The following PTPRO variants were observed in gnomAD, a reference collection of about 807,000 sequenced individuals.
PTPRO encodes receptor-type tyrosine-protein phosphatase O.
A neutral mutation model predicts 145.2 loss-of-function variants in PTPRO; 62 were observed. The observed-to-expected ratio is 0.43, with a 90% CI of 0.35 to 0.53. PTPRO has a LOEUF of 0.53. PTPRO is among the 20% of genes least tolerant of loss of function. The pLI is 0.01. For synonymous variants in PTPRO, 565 were observed against 514.7 expected, an observed-to-expected ratio of 1.10 and a Z score of -1.32; for missense variants, 1,345 against 1,482.7, an observed-to-expected ratio of 0.91 and a Z score of 1.53.
At chr12:15,430,968 T>C (rs1383274068) in intron 1 of PTPRO, among the ~76,000 whole-genome samples, 1 of 152,208 alleles carries the variant, frequency 6.6e-6, no homozygotes, top group African/African-American at 2.4e-5. Context: ...ATAGAATATA[T>C]GGAAATAGTA....
chr12:15,322,990 T>C lies in PTPRO; in HGVS notation c.75+189T>C, dbSNP rs936262416. 7.2e-5 allele frequency among the ~76,000 whole-genome samples: 11 copies of C among 152,062 alleles called. No individual in the cohort carries two copies. Among genetic ancestry groups the C allele is most frequent in the Non-Finnish European group, 1.3e-4 (9 of 67,978 alleles). On this transcript the variant is annotated intron_variant, in intron 1 of 26. Coordinates refer to ENST00000281171, the MANE Select transcript of PTPRO (RefSeq NM_030667.3). This position sits in a 1 kb window ranked among gnomAD's most constrained non-coding sequence, Gnocchi z 6.3. Reference sequence around the variant, plus strand: ...GCGTGTTCCTGGTGGTCTTGAGAGGTAGGGGGCGGGGGGAAGAATAAGGGA... The same window carrying C: ...GCGTGTTCCTGGTGGTCTTGAGAGGCAGGGGGCGGGGGGAAGAATAAGGGA...
chr12:15,538,372 G>T (rs1010310132), intron 12 of PTPRO, among the ~76,000 whole-genome samples: 11 of 151,834 alleles, frequency 7.2e-5, no homozygotes, highest in African/African-American at 2.7e-4. Flanking sequence ...TTACAGGTGC[G>T]CACCACCACG....
chr12:15,581,006 G>C (rs1484673748), intron 22 of PTPRO, among the ~76,000 whole-genome samples, 175 bp downstream of exon 22: 1 of 152,216 alleles, frequency 6.6e-6, no homozygotes, highest in Non-Finnish European at 1.5e-5. Context: ...CACAGACCCG[G>C]TGGTCTTTGC....
At chr12:15,387,742 G>A (rs896989448) in intron 1 of PTPRO, among the ~76,000 whole-genome samples, 7 of 152,160 alleles carry the variant, frequency 4.6e-5, no homozygotes. Flanking sequence ...ATGAGTGCAA[G>A]TTATTTAAAT....
In PTPRO at chr12:15,322,827, TC is replaced by T; in HGVS notation, c.75+29del. The T allele has an allele frequency of 6.2e-7, 1 of 1,604,290 alleles. No individual in the cohort carries two copies. The highest frequency in any genetic ancestry group is 1.3e-5 in the African/African-American group (1 of 74,292). On this transcript the variant is annotated intron_variant, in intron 1 of 26. Coordinates refer to ENST00000281171, the MANE Select transcript of PTPRO (RefSeq NM_030667.3). This position sits in a 1 kb window ranked among gnomAD's most constrained non-coding sequence, Gnocchi z 6.3. ...GTAGGGGAGCTCCTCCACCCCTTTT[TC>T]CCAGCGGTCCGGGCGGCAGCCGCGC... is the stretch of plus-strand genomic sequence containing the variant.
rs1285071987 is a variant in PTPRO at position 15,546,603 on chromosome 12, C to A, written c.2199C>A (p.Asn733Lys). ...CACCCAAATCACTCTTCGCAGTGAACAAAACCCAGACTTCAGTGACTTTGC... is the reference window on the plus strand; with the variant it reads ...CACCCAAATCACTCTTCGCAGTGAAAAAAACCCAGACTTCAGTGACTTTGC... ...PAPPKSLFAV[N>K]KTQTSVTLLW... Residue 733 changes from asparagine to lysine, a missense_variant, in exon 13 of 27, where the codon AAC (asparagine) becomes AAA (lysine). Coordinates refer to ENST00000281171, the MANE Select transcript of PTPRO (RefSeq NM_030667.3). 6.2e-7 allele frequency: 1 copy of A among 1,612,642 alleles called. No individual in the cohort carries two copies. Among genetic ancestry groups the A allele is most frequent in the Non-Finnish European group, 8.5e-7 (1 of 1,179,244 alleles).
chr12:15,420,871 G>C (rs1306916521), intron 1 of PTPRO, among the ~76,000 whole-genome samples: 1 of 152,160 alleles, frequency 6.6e-6, no homozygotes, highest in Non-Finnish European at 1.5e-5. Context: ...AGTTGAATGA[G>C]TTAGCACAGA....
rs150231601 is a variant in PTPRO, at chr12:15,494,333, G to A, written c.350-2912G>A. Among the ~76,000 whole-genome samples, 23 of 152,298 alleles carry A rather than the reference G, an allele frequency of 1.5e-4. No individual in the cohort carries two copies. In the East Asian group the frequency reaches 4.0e-3, roughly 27 times the overall value. On this transcript the variant is annotated intron_variant, in intron 2 of 26. Coordinates refer to ENST00000281171, the MANE Select transcript of PTPRO (RefSeq NM_030667.3). ...CATAAGAAAAAAAGGGAAGTACAAT[G>A]GAGTGACTGACAGGGCAAGGACTAT...
chr12:15,515,729 G>A, intron 8 of PTPRO, 111 bp downstream of exon 8: 1 of 1,401,572 alleles, frequency 7.1e-7, no homozygotes, highest in Non-Finnish European at 1.0e-6. Context: ...GTCCATATTA[G>A]TTCATCCAAT....
chr12:15,550,209 T>C (rs1436767220), intron 14 of PTPRO, among the ~76,000 whole-genome samples: 1 of 152,220 alleles, frequency 6.6e-6, no homozygotes, highest in Admixed American at 6.5e-5. Context: ...GTTATACTTA[T>C]TATATATTGT....
In PTPRO at chr12:15,348,622, T is replaced by G. The variant is rs1304876387; in HGVS notation, c.75+25821T>G. On this transcript the variant is annotated intron_variant, in intron 1 of 26. Coordinates refer to ENST00000281171, the MANE Select transcript of PTPRO (RefSeq NM_030667.3). ...AAACACAGTGAAACCCCGTCTCTAC[T>G]AAAAATACAAAAAAATTAACCGGGC... The G allele has an allele frequency of 2.0e-5, 3 of 152,070 alleles. No homozygotes were observed. The East Asian group carries it at 5.8e-4, about 29-fold the overall frequency. 9.4% of individuals were successfully genotyped at this position (152,070 alleles called of 1,614,324 possible). A position where few individuals can be genotyped will look rare whatever the true frequency, so the allele number is the denominator to read the frequency against.
chr12:15,444,755 A>G (rs1470554618), intron 1 of PTPRO, among the ~76,000 whole-genome samples: 1 of 152,064 alleles, frequency 6.6e-6, no homozygotes, highest in East Asian at 1.9e-4. Flanking sequence ...TCATGCACCA[A>G]ATCTAATAGT....
chr12:15,339,008 A>G (rs1429681236), intron 1 of PTPRO, among the ~76,000 whole-genome samples: 1 of 152,194 alleles, frequency 6.6e-6, no homozygotes, highest in Non-Finnish European at 1.5e-5. Flanking sequence ...GCTAAAGGGC[A>G]ATATATGAGT....
chr12:15,389,572 G>T (rs542192865), intron 1 of PTPRO, among the ~76,000 whole-genome samples: 23 of 152,218 alleles, frequency 1.5e-4, no homozygotes, highest in African/African-American at 5.5e-4. Context: ...CCCACATATT[G>T]CTGTCAATAG....
Position 15,437,278 on chromosome 12 carries a change from G to A in PTPRO, c.76-46696G>A, listed in dbSNP as rs117354360. Among the ~76,000 whole-genome samples the A allele has an allele frequency of 1.9e-3, 293 of 151,082 alleles. 2 individuals are homozygous for A. Among genetic ancestry groups the A allele is most frequent in the Non-Finnish European group, 3.2e-3 (214 of 67,746 alleles). ...AGGAAGATCTCCAGGCATTCAGAGCGCCTGCTTGCTTAGTTCAGCAGCCAG... is the reference window on the plus strand; with the variant it reads ...AGGAAGATCTCCAGGCATTCAGAGCACCTGCTTGCTTAGTTCAGCAGCCAG... On this transcript the variant is annotated intron_variant, in intron 1 of 26. Transcript: ENST00000281171.
At chr12:15,519,066 T>C (rs1023492842) in intron 9 of PTPRO, among the ~76,000 whole-genome samples, 1 of 152,150 alleles carries the variant, frequency 6.6e-6, no homozygotes, top group South Asian at 2.1e-4. Flanking sequence ...GACTGGGCAA[T>C]TTACAAAAGA....
chr12:15,487,832 T>G (rs1565659201), intron 2 of PTPRO, among the ~76,000 whole-genome samples: 1 of 152,236 alleles, frequency 6.6e-6, no homozygotes, highest in Non-Finnish European at 1.5e-5. Context: ...TCATTTAAAA[T>G]TTGATTTAAA....
intron 6 of PTPRO, among the ~76,000 whole-genome samples, chr12:15,504,893 C>T (rs1942291493): frequency 6.6e-6 from 1 of 152,124 alleles, no homozygotes; most frequent in Non-Finnish European, 1.5e-5. Flanking sequence ...TATGTAGCAG[C>T]TTAAAAATGT....
At chr12:15,349,716 G>T (rs1041130022) in intron 1 of PTPRO, among the ~76,000 whole-genome samples, 3 of 152,206 alleles carry the variant, frequency 2.0e-5, no homozygotes, top group African/African-American at 7.2e-5. Flanking sequence ...AAACCCAGTT[G>T]TTAATCACAT....
Sources: allele counts gnomAD v4.1 joint callset (sites outside exome capture counted in the v4.1 genomes callset), GRCh38; gene constraint gnomAD v4.1.1; non-coding constraint Gnocchi (gnomAD v3.1); transcripts MANE v1.5; gene names NCBI Gene and HGNC (gene_info 2026-07-23, HGNC 2026-07-21).